SGCD: variants seen among roughly 807,000 people sequenced by gnomAD.
SGCD encodes sarcoglycan delta, also known as delta-sarcoglycan.
In SGCD, 18 loss-of-function variants were observed where a neutral mutation model predicts 36.6. The ratio of observed to expected loss-of-function variants is 0.49; its 90% CI spans 0.34 to 0.73. The LOEUF is 0.73. Ranked by LOEUF, SGCD falls within the 30% of genes least tolerant of loss-of-function variation. The pLI is 0.01. For missense variants in SGCD, 387 were observed against 346.7 expected (o/e 1.12, Z -0.92); for synonymous variants, 133 against 130.6 (o/e 1.02, Z -0.12).
At chr5:155,943,731 A>G (rs1371556329) in intron 1 of SGCD, among the ~76,000 whole-genome samples, 1 of 152,046 alleles carries the variant, frequency 6.6e-6, no homozygotes, top group Non-Finnish European at 1.5e-5. Flanking sequence ...AGTGGAAGCA[A>G]ATTATAGAGC....
intron 1 of SGCD, among the ~76,000 whole-genome samples, chr5:156,096,525 T>C (rs1761380497): frequency 6.6e-6 from 1 of 152,196 alleles, no homozygotes; most frequent in Admixed American, 6.5e-5. Context: ...TATTGAGTCA[T>C]TGCCCCATCT....
At chr5:156,641,477 AT>A (rs1402810459) in intron 6 of SGCD, among the ~76,000 whole-genome samples, 1 of 152,196 alleles carries the variant, frequency 6.6e-6, no homozygotes, top group Admixed American at 6.5e-5. Context: ...TTTATTCATA[AT>A]TTTTCAAAAA....
At chr5:156,550,424 T>TG (rs1197004380) in intron 4 of SGCD, among the ~76,000 whole-genome samples, 2 of 152,230 alleles carry the variant, frequency 1.3e-5, no homozygotes, top group Non-Finnish European at 2.9e-5. Context: ...AGCTGTAGGA[T>TG]GGTCTTGTGC....
At chr5:155,833,924 A>G in the SGCD span, among the ~76,000 whole-genome samples, 1 of 152,212 alleles carries the variant, frequency 6.6e-6, no homozygotes, top group East Asian at 1.9e-4. Flanking sequence ...AAAGGCCTAG[A>G]TAACTTGTTT....
the SGCD span, among the ~76,000 whole-genome samples, chr5:155,857,531 CAAAAT>C: frequency 6.6e-6 from 1 of 151,868 alleles, no homozygotes; most frequent in African/African-American, 2.4e-5. Context: ...AGGAGCCAGA[CAAAAT>C]AAAAAGTATA....
chr5:156,177,385 T>C (rs989165518), intron 3 of SGCD, among the ~76,000 whole-genome samples: 1 of 152,194 alleles, frequency 6.6e-6, no homozygotes, highest in African/African-American at 2.4e-5. Flanking sequence ...GAGATATTAA[T>C]ATTTAAAATG....
chr5:156,411,894 C>T (rs995251840), intron 3 of SGCD, among the ~76,000 whole-genome samples: 3 of 94,212 alleles, frequency 3.2e-5, no homozygotes, highest in African/African-American at 1.6e-4. Flanking sequence ...TGATAAAATA[C>T]ACCTGTGAGT....
chr5:156,224,473 C>T (rs570566553), intron 3 of SGCD, among the ~76,000 whole-genome samples: 6 of 152,204 alleles, frequency 3.9e-5, no homozygotes, highest in East Asian at 1.9e-4. Flanking sequence ...TTCAATCTAT[C>T]GTTATCATCA....
intron 1 of SGCD, among the ~76,000 whole-genome samples, chr5:155,873,868 T>G (rs756606141): frequency 9.2e-5 from 14 of 152,284 alleles, no homozygotes; most frequent in Non-Finnish European, 1.8e-4. Flanking sequence ...TATTTAGTCT[T>G]CAGTTTTAAA....
intron 1 of SGCD, among the ~76,000 whole-genome samples, chr5:155,877,778 A>G (rs939386000): frequency 1.6e-4 from 25 of 152,090 alleles, no homozygotes; most frequent in Non-Finnish European, 2.8e-4. Context: ...TGTTTGGGAA[A>G]CAAACCCTGA....
intron 3 of SGCD, among the ~76,000 whole-genome samples, chr5:156,352,017 A>T (rs1024448468): frequency 2.6e-5 from 4 of 152,160 alleles, no homozygotes; most frequent in Admixed American, 6.6e-5. Flanking sequence ...TCCTGTTTGC[A>T]CACTGATTTT....
the SGCD span, among the ~76,000 whole-genome samples, chr5:155,814,584 C>T: frequency 6.6e-6 from 1 of 152,106 alleles, no homozygotes; most frequent in Admixed American, 6.5e-5. Flanking sequence ...ACTTGGTACA[C>T]ATTTTTAAAA....
intron 3 of SGCD, among the ~76,000 whole-genome samples, chr5:156,232,940 C>T (rs1261387421): frequency 1.3e-5 from 2 of 152,176 alleles, no homozygotes; most frequent in Admixed American, 1.3e-4. Flanking sequence ...GTACACAAAA[C>T]AAGTGCCTTT....
chr5:156,542,405 A>T (rs1042028333), intron 4 of SGCD, among the ~76,000 whole-genome samples: 5 of 152,338 alleles, frequency 3.3e-5, no homozygotes, highest in African/African-American at 4.8e-5. Flanking sequence ...TATATTAAAC[A>T]TAGTCACCTT....
At chr5:156,465,818 C>T (rs1305682362) in intron 3 of SGCD, among the ~76,000 whole-genome samples, 1 of 152,162 alleles carries the variant, frequency 6.6e-6, no homozygotes, top group African/African-American at 2.4e-5. Flanking sequence ...ATTCCTGGGA[C>T]CCTTGAGGTG....
At chr5:156,437,010 G>C (rs1172790864) in intron 3 of SGCD, among the ~76,000 whole-genome samples, 2 of 152,052 alleles carry the variant, frequency 1.3e-5, no homozygotes, top group Non-Finnish European at 2.9e-5. Flanking sequence ...CAAATCCTCT[G>C]TGTCCCATAT....
intron 4 of SGCD, among the ~76,000 whole-genome samples, chr5:156,577,129 T>C (rs1759994739): frequency 6.6e-6 from 1 of 152,226 alleles, no homozygotes; most frequent in Admixed American, 6.5e-5. Context: ...TTCAGCTTTC[T>C]ACATACGGCT....
At chr5:156,518,108 AG>A (rs1757259851) in intron 4 of SGCD, among the ~76,000 whole-genome samples, 1 of 152,248 alleles carries the variant, frequency 6.6e-6, no homozygotes, top group Admixed American at 6.5e-5. Context: ...TCACGTGCAA[AG>A]ACACACAAAG....
At chr5:155,968,401 A>G (rs1757943284) in intron 1 of SGCD, among the ~76,000 whole-genome samples, 1 of 152,108 alleles carries the variant, frequency 6.6e-6, no homozygotes, top group African/African-American at 2.4e-5. Context: ...CGTTATCTGA[A>G]GTTTCTCTTT....
Sources: allele counts gnomAD v4.1 joint callset (sites outside exome capture counted in the v4.1 genomes callset), GRCh38; gene constraint gnomAD v4.1.1; transcripts MANE v1.5; gene names NCBI Gene and HGNC (gene_info 2026-07-23, HGNC 2026-07-21).